NLK: variants seen among roughly 807,000 people sequenced by gnomAD.
NLK encodes the protein nemo like kinase, also known as serine/threonine-protein kinase NLK.
NLK carries 11 observed loss-of-function variants against 59.0 expected under a neutral mutation model. That is an observed-to-expected ratio of 0.19 (90% CI 0.12 to 0.31). The LOEUF is 0.31. NLK is among the 10% of genes least tolerant of loss of function. The pLI is 1.00. For missense variants in NLK, 410 were observed against 661.1 expected (o/e 0.62, Z 4.16); for synonymous variants, 235 against 235.9 (o/e 1.00, Z 0.03).
chr17:28,127,369 C>T (rs1015691917), intron 2 of NLK, among the ~76,000 whole-genome samples: 2 of 152,150 alleles, frequency 1.3e-5, no homozygotes, highest in South Asian at 2.1e-4. Flanking sequence ...AAGTAGGTTA[C>T]AGAATCATAC....
chr17:28,101,868 T>C (rs1904913839), intron 1 of NLK, among the ~76,000 whole-genome samples: 1 of 152,248 alleles, frequency 6.6e-6, no homozygotes, highest in African/African-American at 2.4e-5. Context: ...AAATTGTCCT[T>C]ATATAGGTAT....
chr17:28,179,251 T>C (rs1908800994), intron 7 of NLK, among the ~76,000 whole-genome samples: 1 of 152,018 alleles, frequency 6.6e-6, no homozygotes. Context: ...CATATTTTTT[T>C]TTTCTTTTGA....
At chr17:28,165,193 T>C (rs1277714590) in intron 5 of NLK, among the ~76,000 whole-genome samples, 1 of 152,184 alleles carries the variant, frequency 6.6e-6, no homozygotes, top group African/African-American at 2.4e-5. Flanking sequence ...AATTTAAACC[T>C]TATAGTTAGA....
Position 28,124,817 on chromosome 17 carries a change from A to G in NLK, c.588+2085A>G, listed in dbSNP as rs529459275. Among the ~76,000 whole-genome samples the G allele has an allele frequency of 2.5e-3, 385 of 152,252 alleles. 1 individual carries two copies. The highest frequency in any genetic ancestry group is 3.4e-3 in the Non-Finnish European group (234 of 67,992). On this transcript the variant is annotated intron_variant, in intron 2 of 10. Coordinates refer to ENST00000407008, the MANE Select transcript of NLK (RefSeq NM_016231.5). ...GTAATCCCAGCACTTTGGGAGGCCA[A>G]GGCAGCTGGATCATTTGAGTCCAGG...
chr17:28,144,854 T>C (rs1907174825), intron 3 of NLK, among the ~76,000 whole-genome samples: 1 of 152,208 alleles, frequency 6.6e-6, no homozygotes, highest in Non-Finnish European at 1.5e-5. Context: ...GTGGGGCTTT[T>C]AGGCACTTCA....
chr17:28,052,550 T>C (rs1162773183), intron 1 of NLK, among the ~76,000 whole-genome samples: 10 of 152,168 alleles, frequency 6.6e-5, no homozygotes, highest in Admixed American at 6.5e-4. Flanking sequence ...GGGAGCATTT[T>C]TGCAGACACC....
At chr17:28,088,917 A>G (rs750001388) in intron 1 of NLK, among the ~76,000 whole-genome samples, 4 of 152,316 alleles carry the variant, frequency 2.6e-5, no homozygotes, top group African/African-American at 4.8e-5. Context: ...TCAAATGATT[A>G]AAATTCTGGT....
At position 28,175,172 on chromosome 17, in the gene NLK, G is replaced by A. The variant is rs938162453; in HGVS notation, c.1149+2554G>A. Reference sequence around the variant, plus strand: ...ATTAAGAGTGTAGTGTCAGCCGGGCGCGGCGGCTCACACCTGTAATCCCAG... The same window carrying A: ...ATTAAGAGTGTAGTGTCAGCCGGGCACGGCGGCTCACACCTGTAATCCCAG... On this transcript the variant is annotated intron_variant, in intron 7 of 10. Coordinates refer to ENST00000407008, the MANE Select transcript of NLK (RefSeq NM_016231.5). Among the ~76,000 whole-genome samples the A allele has an allele frequency of 4.0e-4, 60 of 151,842 alleles. 1 individual carries two copies. Among genetic ancestry groups the A allele is most frequent in the Admixed American group, 3.7e-3 (57 of 15,238 alleles).
chr17:28,155,014 G>A (rs537593885), intron 3 of NLK, among the ~76,000 whole-genome samples: 11 of 152,246 alleles, frequency 7.2e-5, no homozygotes, highest in Admixed American at 7.2e-4. Flanking sequence ...TCCAGCCTGG[G>A]TGACAGAGCA....
chr17:28,184,253 A>G (rs1909029559), intron 7 of NLK, among the ~76,000 whole-genome samples: 2 of 152,248 alleles, frequency 1.3e-5, no homozygotes, highest in South Asian at 2.1e-4. Flanking sequence ...CTAATATCTC[A>G]GCACCTTTAT....
At chr17:28,201,753 C>A in the NLK span, among the ~76,000 whole-genome samples, 2 of 152,114 alleles carry the variant, frequency 1.3e-5, no homozygotes, top group African/African-American at 4.8e-5. Flanking sequence ...CAGTGGCTCA[C>A]ACCTGTAATC....
chr17:28,157,586 C>T (rs1248498939), intron 3 of NLK, among the ~76,000 whole-genome samples: 1 of 152,100 alleles, frequency 6.6e-6, no homozygotes, highest in Non-Finnish European at 1.5e-5. Flanking sequence ...CTGGGCCTCC[C>T]AAAGTGCTGG....
intron 1 of NLK, among the ~76,000 whole-genome samples, chr17:28,108,090 C>G (rs1905276627): frequency 1.3e-5 from 2 of 151,880 alleles, no homozygotes; most frequent in South Asian, 2.1e-4. Flanking sequence ...AAAAATTAGC[C>G]AGGTGTGGTG....
chr17:28,191,618 A>T (rs1909310506), intron 9 of NLK, among the ~76,000 whole-genome samples: 1 of 152,352 alleles, frequency 6.6e-6, no homozygotes, highest in East Asian at 1.9e-4. Context: ...TAGTGTACTC[A>T]TAAAATTTTG....
At chr17:28,149,473 T>A (rs1374670724) in intron 3 of NLK, among the ~76,000 whole-genome samples, 2 of 152,206 alleles carry the variant, frequency 1.3e-5, no homozygotes, top group Non-Finnish European at 2.9e-5. Flanking sequence ...AATTCAGAAA[T>A]TTGTAGGTGC....
At chr17:28,155,136 A>G (rs1907649809) in intron 3 of NLK, among the ~76,000 whole-genome samples, 2 of 152,230 alleles carry the variant, frequency 1.3e-5, no homozygotes, top group South Asian at 4.1e-4. Context: ...AACACTATGC[A>G]GTCATTAAAA....
rs35804817 is a variant in NLK at position 28,131,586 on chromosome 17, TAAA to T, written c.589-1008_589-1006del. The stretch of plus-strand genomic sequence containing the variant: ...TTTATATGTTTGAAGTTCTCTGTAG[TAAA>T]AAAAAAAAAAAAAAAAAAAAAAAAA... On this transcript the variant is annotated intron_variant, in intron 2 of 10. Transcript: ENST00000407008. 4.3e-3 allele frequency among the ~76,000 whole-genome samples: 356 copies of T among 83,702 alleles called. 2 individuals are homozygous for T. Among genetic ancestry groups the T allele is most frequent in the African/African-American group, 0.016 (336 of 21,284 alleles). 54.9% of individuals were successfully genotyped at this position (83,702 alleles called of 152,430 possible).
intron 1 of NLK, among the ~76,000 whole-genome samples, chr17:28,070,829 G>T (rs145877165): frequency 1.4e-3 from 212 of 152,164 alleles, no homozygotes; most frequent in African/African-American, 4.5e-3. Context: ...TCTTTAAGAA[G>T]ATTTTTTCAC....
At position 28,066,038 on chromosome 17, in the gene NLK, A is replaced by G. The variant is rs981977008; in HGVS notation, c.458+22707A>G. Among the ~76,000 whole-genome samples the G allele has an allele frequency of 2.0e-5, 3 of 152,238 alleles. No individual in the cohort carries two copies. The South Asian group carries it at 6.2e-4, about 31-fold the overall frequency. ...TCCTGTTACACCCACAGACGAAGTTATGTCAACGTAGCTTTCCTTTACTTT... is the reference window on the plus strand; with the variant it reads ...TCCTGTTACACCCACAGACGAAGTTGTGTCAACGTAGCTTTCCTTTACTTT... On this transcript the variant is annotated intron_variant, in intron 1 of 10. Coordinates refer to ENST00000407008, the MANE Select transcript of NLK (RefSeq NM_016231.5).
Sources: gnomAD v4.1 joint callset for allele counts (sites outside exome capture counted in the v4.1 genomes callset) on GRCh38, gnomAD v4.1.1 for gene constraint, MANE v1.5 for transcripts, NCBI Gene and HGNC (gene_info 2026-07-23, HGNC 2026-07-21) for gene names.